The following AIG1 variants were observed in gnomAD, a reference collection of about 807,000 sequenced individuals.
The protein encoded by AIG1 is androgen induced 1.
AIG1 carries 23 observed loss-of-function variants against 31.4 expected under a neutral mutation model. The observed-to-expected ratio is 0.73, with a 90% CI of 0.53 to 1.04. AIG1 has a LOEUF of 1.04. Among genes scored for constraint, AIG1 ranks in the 50% least tolerant of loss-of-function variants. The pLI, the probability that AIG1 is intolerant of heterozygous loss-of-function variation, is 0.00. For missense variants in AIG1, 274 were observed against 295.0 expected (o/e 0.93, Z 0.52); for synonymous variants, 100 against 110.5 (o/e 0.90, Z 0.60).
intron 1 of AIG1, among the ~76,000 whole-genome samples, chr6:143,064,978 A>G (rs1270623127): frequency 6.6e-6 from 1 of 152,192 alleles, no homozygotes; most frequent in African/African-American, 2.4e-5. Flanking sequence ...TTACAGTAAA[A>G]GGTGGTTATT....
At chr6:143,159,498 G>T (rs756389520) in intron 2 of AIG1, among the ~76,000 whole-genome samples, 98 of 152,314 alleles carry the variant, frequency 6.4e-4, no homozygotes, top group Non-Finnish European at 1.0e-3. Context: ...GGAGATTCTG[G>T]TTTTAAGATA....
At chr6:143,187,957 A>G (rs868076789) in intron 3 of AIG1, 2 of 1,224,360 alleles carry the variant, frequency 1.6e-6, no homozygotes, top group Middle Eastern at 3.3e-4. Context: ...TCTTGATTTT[A>G]TTAGTTGCAT....
At chr6:143,170,285 G>T (rs934682580) in intron 3 of AIG1, among the ~76,000 whole-genome samples, 2 of 151,988 alleles carry the variant, frequency 1.3e-5, no homozygotes, top group African/African-American at 4.8e-5. Context: ...GTCTATTCAG[G>T]TTTTCTGTTT....
chr6:143,289,082 G>T (rs1562560543), intron 4 of AIG1, among the ~76,000 whole-genome samples: 1 of 152,084 alleles, frequency 6.6e-6, no homozygotes, highest in Non-Finnish European at 1.5e-5. Flanking sequence ...GATGGTAAAT[G>T]TCTCTTTTCA....
At chr6:143,126,800 T>C (rs1458255255) in intron 1 of AIG1, among the ~76,000 whole-genome samples, 2 of 152,206 alleles carry the variant, frequency 1.3e-5, no homozygotes, top group Non-Finnish European at 2.9e-5. Flanking sequence ...CATTTCTGCA[T>C]ATGACAAACT....
In AIG1 at chr6:143,216,976, A is replaced by G. The variant is rs137898210; in HGVS notation, c.399+51793A>G. Among the ~76,000 whole-genome samples, 7 of 152,386 alleles carry G rather than the reference A, an allele frequency of 4.6e-5. No individual in the cohort carries two copies. In the East Asian group the frequency reaches 1.2e-3, roughly 25 times the overall value. ...CTGGGAAATGTAAAATAAGTCACAC[A>G]GGGTTCTATGACTAGTTAGCAGCAA... is the stretch of plus-strand genomic sequence containing the variant. On this transcript the variant is annotated intron_variant, in intron 3 of 5. Coordinates refer to ENST00000357847, the MANE Select transcript of AIG1 (RefSeq NM_016108.4).
chr6:143,324,953 C>A lies in AIG1; in HGVS notation c.516-8329C>A, dbSNP rs145159696. On this transcript the variant is annotated intron_variant, in intron 4 of 5. Coordinates refer to ENST00000357847, the MANE Select transcript of AIG1 (RefSeq NM_016108.4). ...AATAGGATGAAATTTGGCCATGTAG[C>A]AAAAAGAGCTACTGAGCTTGACAAT... Among the ~76,000 whole-genome samples the A allele has an allele frequency of 4.7e-4, 72 of 152,274 alleles. 1 individual carries two copies. The highest frequency in any genetic ancestry group is 1.6e-3 in the African/African-American group (65 of 41,550).
chr6:143,181,182 T>C (rs1788682295), intron 3 of AIG1, among the ~76,000 whole-genome samples: 2 of 152,318 alleles, frequency 1.3e-5, no homozygotes, highest in East Asian at 3.9e-4. Context: ...AAACTGGCCT[T>C]TTCCAATTTT....
chr6:143,261,062 C>A (rs375293120), intron 3 of AIG1, among the ~76,000 whole-genome samples: 1 of 152,130 alleles, frequency 6.6e-6, no homozygotes, highest in East Asian at 1.9e-4. Context: ...CTGGAGATGA[C>A]TTGAGTCATC....
chr6:143,286,868 T>C (rs1021384099), intron 4 of AIG1, among the ~76,000 whole-genome samples: 2 of 151,870 alleles, frequency 1.3e-5, no homozygotes, highest in Non-Finnish European at 2.9e-5. Context: ...CTTCCCAGGT[T>C]TGGGTAGTGA....
Position 143,339,817 on chromosome 6 carries a change from A to T in AIG1, c.*141A>T, listed in dbSNP as rs568657404. 3.0e-6 allele frequency: 2 copies of T among 675,540 alleles called. No individual in the cohort carries two copies. The highest frequency in any genetic ancestry group is 3.1e-5 in the Admixed American group (1 of 32,184). 41.8% of individuals were successfully genotyped at this position (675,540 alleles called of 1,614,324 possible). ...CTCCCCCAATGAGGACACCTTTTAT[A>T]TATAAATATGTATAAACATAGAATA... On this transcript the variant is annotated 3_prime_UTR_variant, in exon 6 of 6. Coordinates refer to ENST00000357847, the MANE Select transcript of AIG1 (RefSeq NM_016108.4).
chr6:143,252,001 C>T (rs1188786542), intron 3 of AIG1, among the ~76,000 whole-genome samples: 2 of 152,234 alleles, frequency 1.3e-5, no homozygotes, highest in South Asian at 4.1e-4. Context: ...TTGTCCCTTT[C>T]GCGTATCACT....
At chr6:143,317,651 C>T (rs766383648) in intron 4 of AIG1, among the ~76,000 whole-genome samples, 19 of 151,584 alleles carry the variant, frequency 1.3e-4, no homozygotes, top group Non-Finnish European at 2.7e-4. Context: ...GAAGTCCTAG[C>T]AAGAGCAATC....
chr6:143,161,187 C>T (rs1474947256), intron 2 of AIG1, among the ~76,000 whole-genome samples: 1 of 152,062 alleles, frequency 6.6e-6, no homozygotes, highest in Non-Finnish European at 1.5e-5. Flanking sequence ...AAAATCAACT[C>T]AAGCAAAGTA....
chr6:143,337,045 G>A (rs1310112108), intron 5 of AIG1, among the ~76,000 whole-genome samples: 1 of 152,204 alleles, frequency 6.6e-6, no homozygotes, highest in Admixed American at 6.5e-5. Context: ...AGGGCTCACA[G>A]GGGAGGGGAT....
intron 3 of AIG1, among the ~76,000 whole-genome samples, chr6:143,239,036 A>G (rs1300045112): frequency 6.6e-6 from 1 of 152,234 alleles, no homozygotes; most frequent in Non-Finnish European, 1.5e-5. Flanking sequence ...AAAGATGACT[A>G]AGACACAGTC....
chr6:143,080,902 G>A (rs1778188568), intron 1 of AIG1, among the ~76,000 whole-genome samples: 1 of 152,158 alleles, frequency 6.6e-6, no homozygotes, highest in South Asian at 2.1e-4. Flanking sequence ...AATTAAAGGG[G>A]AAGGGACTTG....
intron 1 of AIG1, among the ~76,000 whole-genome samples, chr6:143,069,763 A>C (rs1357944789): frequency 6.6e-6 from 1 of 152,164 alleles, no homozygotes; most frequent in Non-Finnish European, 1.5e-5. Context: ...AGTTTATTTT[A>C]TCAATAGTGT....
At chr6:143,165,785 T>C (rs1312936047) in intron 3 of AIG1, among the ~76,000 whole-genome samples, 1 of 152,226 alleles carries the variant, frequency 6.6e-6, no homozygotes, top group Non-Finnish European at 1.5e-5. Context: ...TTTCTGGTGC[T>C]TTAGCCATGA....
Sources: gnomAD v4.1 joint callset for allele counts (sites outside exome capture counted in the v4.1 genomes callset) on GRCh38, gnomAD v4.1.1 for gene constraint, MANE v1.5 for transcripts, NCBI Gene and HGNC (gene_info 2026-07-23, HGNC 2026-07-21) for gene names.